LRP1B: variants seen among roughly 807,000 people sequenced by gnomAD.
The protein encoded by LRP1B is low-density lipoprotein receptor-related protein 1B.
In LRP1B, 217 loss-of-function variants were observed where a neutral mutation model predicts 556.6. The ratio of observed to expected loss-of-function variants is 0.39; its 90% CI spans 0.35 to 0.44. The LOEUF (loss-of-function observed/expected upper bound fraction) is 0.44, where lower values mean the gene tolerates loss of function less well. LRP1B is among the 20% of genes least tolerant of loss of function. The pLI is 1.00. For synonymous variants in LRP1B, 2,047 were observed against 1,865.8 expected (o/e 1.10, Z -2.50); for missense variants, 5,053 against 5,620.8 (o/e 0.90, Z 3.23).
intron 42 of LRP1B, among the ~76,000 whole-genome samples, chr2:140,600,365 G>T (rs77342815): frequency 1.3e-3 from 196 of 152,192 alleles, no homozygotes; most frequent in Non-Finnish European, 2.3e-3. Context: ...ACATTGCTCA[G>T]TCTTAAGAAT....
intron 41 of LRP1B, among the ~76,000 whole-genome samples, chr2:140,640,213 C>T (rs888486440): frequency 5.4e-5 from 8 of 148,246 alleles, no homozygotes; most frequent in Admixed American, 2.7e-4. Flanking sequence ...ACTGTGGTCT[C>T]GATCTCCTGA....
intron 1 of LRP1B, among the ~76,000 whole-genome samples, chr2:141,854,526 T>C (rs1423749863): frequency 6.6e-6 from 1 of 152,112 alleles, no homozygotes; most frequent in East Asian, 1.9e-4. Flanking sequence ...TCATAAAGTT[T>C]TGATGCTTTC....
At chr2:142,072,988 T>C (rs905848880) in intron 1 of LRP1B, among the ~76,000 whole-genome samples, 3 of 152,028 alleles carry the variant, frequency 2.0e-5, no homozygotes, top group Non-Finnish European at 4.4e-5. Flanking sequence ...CTCTGCAATG[T>C]TATTCAGCAA....
At chr2:140,816,379 C>G (rs1963550) in intron 31 of LRP1B, among the ~76,000 whole-genome samples, 129,338 of 152,070 alleles carry the variant, frequency 0.85, 55,519 homozygotes, top group East Asian at 0.99. Context: ...GCCTCCCAAA[C>G]TGCTGGGATT....
At chr2:141,793,048 G>T (rs538883094) in intron 2 of LRP1B, among the ~76,000 whole-genome samples, 19 of 151,924 alleles carry the variant, frequency 1.3e-4, no homozygotes, top group African/African-American at 4.6e-4. Context: ...CATTTTGGTT[G>T]ACTCCTCTGC....
intron 29 of LRP1B, among the ~76,000 whole-genome samples, chr2:140,848,788 G>A (rs1236396717): frequency 6.6e-6 from 1 of 152,066 alleles, no homozygotes; most frequent in Non-Finnish European, 1.5e-5. Flanking sequence ...AACTGACCCT[G>A]AAATCACAAT....
chr2:141,851,313 T>A (rs902630101), intron 1 of LRP1B, among the ~76,000 whole-genome samples: 7 of 151,822 alleles, frequency 4.6e-5, no homozygotes, highest in African/African-American at 9.7e-5. Flanking sequence ...GGTCAAGAGG[T>A]TGTCACCTTG....
intron 25 of LRP1B, among the ~76,000 whole-genome samples, chr2:140,869,355 C>A (rs1485626586): frequency 6.6e-6 from 1 of 151,996 alleles, no homozygotes; most frequent in Non-Finnish European, 1.5e-5. Context: ...GCTTGCCAAG[C>A]TACATGCGGC....
intron 42 of LRP1B, 106 bp downstream of exon 42, chr2:140,601,344 T>C: frequency 1.9e-6 from 2 of 1,028,736 alleles, no homozygotes; most frequent in Non-Finnish European, 2.6e-6. Context: ...AAATAAAACT[T>C]CAAATAAAAA....
intron 12 of LRP1B, among the ~76,000 whole-genome samples, chr2:141,018,990 A>G (rs1697990136): frequency 6.6e-6 from 1 of 152,088 alleles, no homozygotes; most frequent in Non-Finnish European, 1.5e-5. Context: ...TAAAGTGTAA[A>G]GAAAATCTAT....
intron 1 of LRP1B, among the ~76,000 whole-genome samples, chr2:141,854,842 T>G (rs1697993075): frequency 6.6e-6 from 1 of 152,120 alleles, no homozygotes; most frequent in African/African-American, 2.4e-5. Context: ...ACCTATTATT[T>G]TCTTTATTCT....
At chr2:140,304,375 A>G (rs1274790873) in intron 83 of LRP1B, among the ~76,000 whole-genome samples, 3 of 152,178 alleles carry the variant, frequency 2.0e-5, no homozygotes, top group African/African-American at 7.2e-5. Flanking sequence ...ATGGTATCTC[A>G]CTGTGGTTTT....
At chr2:140,933,085 C>T (rs1350176152) in intron 20 of LRP1B, among the ~76,000 whole-genome samples, 2 of 151,748 alleles carry the variant, frequency 1.3e-5, no homozygotes, top group Non-Finnish European at 2.9e-5. Context: ...TTTGGATGTA[C>T]ATTATGGCGA....
chr2:141,675,756 C>A (rs1690852577), intron 2 of LRP1B, among the ~76,000 whole-genome samples: 1 of 151,272 alleles, frequency 6.6e-6, no homozygotes, highest in African/African-American at 2.4e-5. Context: ...AATGAGAAAG[C>A]AATTCTTACA....
intron 41 of LRP1B, among the ~76,000 whole-genome samples, chr2:140,672,154 TA>T (rs1685506901): frequency 6.6e-6 from 1 of 152,168 alleles, no homozygotes; most frequent in Admixed American, 6.5e-5. Context: ...ATGCTAGTTA[TA>T]GACATTTCTG....
intron 2 of LRP1B, among the ~76,000 whole-genome samples, chr2:141,518,101 A>T (rs6429903): frequency 0.71 from 106,870 of 150,590 alleles, 37,916 homozygotes; most frequent in African/African-American, 0.74. Context: ...ATGTAGGTTA[A>T]AAATTGAGCA....
intron 3 of LRP1B, among the ~76,000 whole-genome samples, chr2:141,299,078 C>T (rs1221325652): frequency 6.6e-6 from 1 of 151,942 alleles, no homozygotes; most frequent in Non-Finnish European, 1.5e-5. Flanking sequence ...TGGAAAACTA[C>T]CCCCAAACTT....
At chr2:141,675,911 T>A (rs1201408743) in intron 2 of LRP1B, among the ~76,000 whole-genome samples, 9 of 152,000 alleles carry the variant, frequency 5.9e-5, no homozygotes, top group Non-Finnish European at 1.2e-4. Context: ...TTTGAACATA[T>A]AAAGAAACTG....
intron 59 of LRP1B, among the ~76,000 whole-genome samples, chr2:140,484,528 T>C (rs1252218881): frequency 6.6e-6 from 1 of 152,200 alleles, no homozygotes. Context: ...TCAACCTTTC[T>C]TTAAATTTGT....
Sources: gnomAD v4.1 joint callset for allele counts (sites outside exome capture counted in the v4.1 genomes callset) on GRCh38, gnomAD v4.1.1 for gene constraint, MANE v1.5 for transcripts, NCBI Gene and HGNC (gene_info 2026-07-23, HGNC 2026-07-21) for gene names.